MACROD2: variants seen among roughly 807,000 people sequenced by gnomAD.
MACROD2 encodes the protein ADP-ribose glycohydrolase MACROD2.
MACROD2 carries 36 observed loss-of-function variants against 70.4 expected under a neutral mutation model. The ratio of observed to expected loss-of-function variants is 0.51; its 90% CI spans 0.39 to 0.68. The LOEUF (loss-of-function observed/expected upper bound fraction) is 0.68. Ranked by LOEUF, MACROD2 falls within the 30% of genes least tolerant of loss-of-function variation. The pLI is 0.00. For synonymous variants in MACROD2, 172 were observed against 178.8 expected (o/e 0.96, Z 0.30); for missense variants, 496 against 538.4 (o/e 0.92, Z 0.78).
At chr20:15,543,466 G>A (rs985625776) in intron 8 of MACROD2, among the ~76,000 whole-genome samples, 2 of 152,214 alleles carry the variant, frequency 1.3e-5, no homozygotes, top group Admixed American at 1.3e-4. Context: ...ACCATTGAAA[G>A]CTTGGAGTCC....
At chr20:15,298,325 G>A (rs563419530) in intron 6 of MACROD2, among the ~76,000 whole-genome samples, 13 of 152,304 alleles carry the variant, frequency 8.5e-5, no homozygotes, top group African/African-American at 3.1e-4. Context: ...CAAGCACCCA[G>A]AGTGGAGAAA....
chr20:14,726,748 A>G (rs1054450450), intron 5 of MACROD2, among the ~76,000 whole-genome samples: 1 of 151,570 alleles, frequency 6.6e-6, no homozygotes, highest in Non-Finnish European at 1.5e-5. Flanking sequence ...TAGGGATTCA[A>G]ACCCAGGCAC....
chr20:15,451,071 G>A lies in MACROD2; in HGVS notation c.571+19636G>A, dbSNP rs563785109. On this transcript the variant is annotated intron_variant, in intron 7 of 17. Coordinates refer to ENST00000684519, the MANE Select transcript of MACROD2 (RefSeq NM_001351661.2). The stretch of plus-strand genomic sequence containing the variant: ...GGTCGTATCTTCTAGGAGGGGATAA[G>A]TAACATAAGTTATTTTGCAATAGCT... Among the ~76,000 whole-genome samples, 7 of 152,214 alleles carry A rather than the reference G, an allele frequency of 4.6e-5. No homozygotes were observed. The South Asian group carries it at 1.2e-3, about 27-fold the overall frequency.
intron 3 of MACROD2, among the ~76,000 whole-genome samples, chr20:14,260,867 T>A (rs946409875): frequency 2.6e-5 from 4 of 152,240 alleles, no homozygotes; most frequent in African/African-American, 9.6e-5. Context: ...CACTGATGGT[T>A]ACACTTTATG....
chr20:14,047,408 T>C (rs2053494559), intron 2 of MACROD2, among the ~76,000 whole-genome samples: 2 of 145,324 alleles, frequency 1.4e-5, no homozygotes, highest in Non-Finnish European at 3.0e-5. Context: ...TGAGCCGAGA[T>C]TGCGCCACTG....
chr20:15,696,523 T>G (rs541364072), intron 8 of MACROD2, among the ~76,000 whole-genome samples: 1 of 152,234 alleles, frequency 6.6e-6, no homozygotes, highest in East Asian at 1.9e-4. Context: ...GTTATGCCCT[T>G]TCCTTGTTTT....
chr20:14,222,362 G>C (rs1296893877), intron 3 of MACROD2, among the ~76,000 whole-genome samples: 3 of 152,132 alleles, frequency 2.0e-5, no homozygotes, highest in Non-Finnish European at 4.4e-5. Context: ...AGAGGCCATT[G>C]TCTTAAGCTA....
chr20:14,293,614 G>A (rs2082403511), intron 3 of MACROD2, among the ~76,000 whole-genome samples: 1 of 151,826 alleles, frequency 6.6e-6, no homozygotes, highest in East Asian at 1.9e-4. Context: ...GGTGAGCAGG[G>A]ACTGCATCGT....
chr20:14,392,450 A>T (rs1217301991), intron 3 of MACROD2, among the ~76,000 whole-genome samples: 1 of 152,124 alleles, frequency 6.6e-6, no homozygotes, highest in African/African-American at 2.4e-5. Context: ...ATTTCCTTTG[A>T]GAGGGTTTTA....
At chr20:14,918,819 C>A (rs1463267230) in intron 5 of MACROD2, among the ~76,000 whole-genome samples, 1 of 152,090 alleles carries the variant, frequency 6.6e-6, no homozygotes, top group East Asian at 1.9e-4. Flanking sequence ...ATTGAACTCA[C>A]AACATATCAC....
chr20:16,002,042 T>TTA (rs933156808), intron 15 of MACROD2, among the ~76,000 whole-genome samples: 3,761 of 86,026 alleles, frequency 0.044, 115 homozygotes, highest in African/African-American at 0.12. Flanking sequence ...ATAATGTGTC[T>TTA]TATATATATA....
chr20:14,309,320 C>T (rs1389377423), intron 3 of MACROD2, among the ~76,000 whole-genome samples: 1 of 151,994 alleles, frequency 6.6e-6, no homozygotes, highest in Non-Finnish European at 1.5e-5. Flanking sequence ...AATTTAGTCC[C>T]TAGTTATGAA....
intron 5 of MACROD2, among the ~76,000 whole-genome samples, chr20:14,723,474 T>C (rs530015633): frequency 6.6e-6 from 1 of 151,670 alleles, no homozygotes; most frequent in Non-Finnish European, 1.5e-5. Context: ...ATGTTTATCT[T>C]CTCTTGATGA....
intron 5 of MACROD2, among the ~76,000 whole-genome samples, chr20:15,168,441 ATGTGTGTGTGTGTGTGTGTGTGTG>A (rs56188346): frequency 3.7e-5 from 5 of 134,724 alleles, no homozygotes; most frequent in South Asian, 2.6e-4. Flanking sequence ...ACATTGTGGG[ATGTGTGTGTGTGTGTGTGTGTGTG>A]TGTGTGTGTG....
intron 7 of MACROD2, among the ~76,000 whole-genome samples, chr20:15,491,402 AT>A (rs1808389656): frequency 6.6e-6 from 1 of 152,212 alleles, no homozygotes; most frequent in Non-Finnish European, 1.5e-5. Context: ...TCATCAATAC[AT>A]TTTGACAGCT....
intron 3 of MACROD2, among the ~76,000 whole-genome samples, chr20:14,286,005 T>C (rs1358606983): frequency 6.6e-6 from 1 of 151,594 alleles, no homozygotes; most frequent in Non-Finnish European, 1.5e-5. Context: ...TGAAACACAA[T>C]TCTGTAGAAA....
At chr20:15,961,280 T>G (rs2066057347) in intron 12 of MACROD2, among the ~76,000 whole-genome samples, 2 of 152,192 alleles carry the variant, frequency 1.3e-5, no homozygotes, top group African/African-American at 4.8e-5. Context: ...AATAAATTGA[T>G]GTTCGGGAGA....
chr20:15,613,978 A>C (rs747483663), intron 8 of MACROD2, among the ~76,000 whole-genome samples: 3 of 152,206 alleles, frequency 2.0e-5, no homozygotes, highest in Non-Finnish European at 4.4e-5. Context: ...AGGTGGTGTG[A>C]ATGAGAGATG....
intron 5 of MACROD2, among the ~76,000 whole-genome samples, chr20:15,039,459 A>G (rs1011364807): frequency 2.0e-5 from 3 of 152,130 alleles, no homozygotes; most frequent in African/African-American, 7.2e-5. Context: ...GGAATGGGAG[A>G]AAGGAGGGCA....
Sources: allele counts gnomAD v4.1 joint callset (sites outside exome capture counted in the v4.1 genomes callset), GRCh38; gene constraint gnomAD v4.1.1; transcripts MANE v1.5; gene names NCBI Gene and HGNC (gene_info 2026-07-23, HGNC 2026-07-21).